MYO5B: variants seen among roughly 807,000 people sequenced by gnomAD.
MYO5B encodes myosin VB, also known as unconventional myosin-Vb.
Under a neutral mutation model 229.3 loss-of-function variants are expected in MYO5B, and 143 were observed. The observed-to-expected ratio is 0.62, with a 90% CI of 0.54 to 0.72. MYO5B has a LOEUF of 0.72. Ranked by LOEUF, MYO5B falls within the 30% of genes least tolerant of loss-of-function variation. The probability of loss-of-function intolerance (pLI) is 0.00; values close to 1 mark genes in which losing one functional copy is unlikely to be tolerated. For synonymous variants in MYO5B, 918 were observed against 885.2 expected (o/e 1.04, Z -0.66); for missense variants, 2,321 against 2,331.0 (o/e 1.00, Z 0.09).
At chr18:50,111,613 A>G (rs1421688459) in intron 1 of MYO5B, among the ~76,000 whole-genome samples, 2 of 152,214 alleles carry the variant, frequency 1.3e-5, no homozygotes, top group African/African-American at 4.8e-5. Context: ...ATGAACTGAG[A>G]TCTATAATGG....
At chr18:49,927,666 T>C (rs1337291597) in intron 17 of MYO5B, among the ~76,000 whole-genome samples, 2 of 152,156 alleles carry the variant, frequency 1.3e-5, no homozygotes, top group Non-Finnish European at 2.9e-5. Context: ...ATTCGATAAA[T>C]GGGGCTGGGA....
chr18:50,174,072 G>C (rs955544861), intron 1 of MYO5B, among the ~76,000 whole-genome samples: 3 of 152,138 alleles, frequency 2.0e-5, no homozygotes, highest in African/African-American at 7.2e-5. Flanking sequence ...AACGACAGAA[G>C]GAGGGCAAAT....
intron 1 of MYO5B, among the ~76,000 whole-genome samples, chr18:50,150,848 AAAG>A (rs890771908): frequency 6.6e-6 from 1 of 152,214 alleles, no homozygotes; most frequent in African/African-American, 2.4e-5. Flanking sequence ...AAAAAAAAGA[AAAG>A]AAAAATAGGG....
intron 1 of MYO5B, among the ~76,000 whole-genome samples, chr18:50,154,986 TAAAA>T (rs1444554030): frequency 6.6e-6 from 1 of 152,216 alleles, no homozygotes; most frequent in Admixed American, 6.5e-5. Context: ...CACCACAGAC[TAAAA>T]AGGCCTGCTT....
At chr18:49,831,715 A>C (rs921924829) in intron 39 of MYO5B, among the ~76,000 whole-genome samples, 1 of 152,172 alleles carries the variant, frequency 6.6e-6, no homozygotes, top group Non-Finnish European at 1.5e-5. Flanking sequence ...CAAAAAGTTA[A>C]ATATAGAGTT....
At chr18:49,932,836 C>T (rs938849482) in intron 16 of MYO5B, among the ~76,000 whole-genome samples, 1 of 152,140 alleles carries the variant, frequency 6.6e-6, no homozygotes, top group African/African-American at 2.4e-5. Context: ...AAAGAAAACC[C>T]ACCGTCAAAT....
intron 9 of MYO5B, among the ~76,000 whole-genome samples, chr18:49,978,032 T>C (rs1382121840): frequency 1.3e-5 from 2 of 152,200 alleles, no homozygotes; most frequent in Non-Finnish European, 2.9e-5. Flanking sequence ...ACAGCTCTGA[T>C]TGCAGAACAA....
At position 50,194,953 on chromosome 18, in the gene MYO5B, G is replaced by A; in HGVS notation, c.-160C>T. 9.3e-7 allele frequency: 1 copy of A among 1,076,538 alleles called. No individual in the cohort carries two copies. The highest frequency in any genetic ancestry group is 3.6e-5 in the East Asian group (1 of 28,132). 66.7% of individuals were successfully genotyped at this position (1,076,538 alleles called of 1,614,324 possible). ...CCGCCGGCTTCCCGCAGGCGCCGCG[G>A]CCGGCTCGCTCCCGGCGGCGCGACC... On this transcript the variant is annotated 5_prime_UTR_variant, in exon 1 of 40. Transcript: ENST00000285039.
chr18:50,186,367 G>A (rs2033149560), intron 1 of MYO5B, among the ~76,000 whole-genome samples: 1 of 152,186 alleles, frequency 6.6e-6, no homozygotes, highest in Non-Finnish European at 1.5e-5. Flanking sequence ...TATTCACAGA[G>A]GGAAAACAGA....
At chr18:49,945,225 C>T (rs961341506) in intron 14 of MYO5B, among the ~76,000 whole-genome samples, 5 of 152,154 alleles carry the variant, frequency 3.3e-5, no homozygotes, top group African/African-American at 9.7e-5. Context: ...TCCAACCATC[C>T]CTCCCAGATC....
intron 3 of MYO5B, among the ~76,000 whole-genome samples, chr18:50,039,819 G>A (rs750450622): frequency 3.3e-5 from 5 of 151,972 alleles, no homozygotes; most frequent in Non-Finnish European, 7.4e-5. Flanking sequence ...ACAAGGGTTC[G>A]GTGCTGAGAG....
At chr18:49,839,793 G>A (rs751179723) in intron 35 of MYO5B, 51 of 204,256 alleles carry the variant, frequency 2.5e-4, no homozygotes, top group Non-Finnish European at 2.9e-4. Context: ...CATAGCTACC[G>A]CACTGTGTCC....
chr18:50,089,766 C>A (rs140534673), intron 1 of MYO5B, among the ~76,000 whole-genome samples: 1 of 152,302 alleles, frequency 6.6e-6, no homozygotes, highest in African/African-American at 2.4e-5. Context: ...AGAGCCAGGT[C>A]GGCAACCTTT....
In MYO5B at chr18:49,992,269, C is replaced by T. The variant is rs757317760; in HGVS notation, c.756+19G>A. On this transcript the variant is annotated intron_variant, in intron 6 of 39. Transcript: ENST00000285039. ...TGTCCATGAGAAATACACAAAAGGG[C>T]GCAAATCCTCCCACTCACCTGGAAG... The T allele has an allele frequency of 1.7e-5, 27 of 1,614,066 alleles. No homozygotes were observed. Among genetic ancestry groups the T allele is most frequent in the East Asian group, 2.2e-5 (1 of 44,884 alleles).
At chr18:49,828,646 A>G (rs2023876983) in intron 39 of MYO5B, among the ~76,000 whole-genome samples, 2 of 152,208 alleles carry the variant, frequency 1.3e-5, no homozygotes, top group Non-Finnish European at 2.9e-5. Flanking sequence ...CATATGGAAC[A>G]GTCTCCAATA....
intron 9 of MYO5B, among the ~76,000 whole-genome samples, chr18:49,978,356 G>A (rs530984293): frequency 3.0e-4 from 45 of 152,218 alleles, no homozygotes; most frequent in African/African-American, 1.1e-3. Context: ...GGGTGTGGAG[G>A]GTCAACTATA....
At chr18:49,995,061 A>G (rs1222245924) in intron 5 of MYO5B, among the ~76,000 whole-genome samples, 1 of 152,176 alleles carries the variant, frequency 6.6e-6, no homozygotes, top group East Asian at 1.9e-4. Flanking sequence ...ACCCCAAGAT[A>G]GAAATTCAGA....
At chr18:50,164,527 T>G (rs1320184162) in intron 1 of MYO5B, among the ~76,000 whole-genome samples, 3 of 152,190 alleles carry the variant, frequency 2.0e-5, no homozygotes, top group Non-Finnish European at 4.4e-5. Context: ...TTATTTGGAA[T>G]CTGTGACTCA....
chr18:50,074,229 C>T (rs937347867), intron 1 of MYO5B, among the ~76,000 whole-genome samples: 1 of 152,160 alleles, frequency 6.6e-6, no homozygotes, highest in African/African-American at 2.4e-5. Flanking sequence ...GACTTATTCG[C>T]TATCATGAGA....
Sources: gnomAD v4.1 joint callset for allele counts (sites outside exome capture counted in the v4.1 genomes callset) on GRCh38, gnomAD v4.1.1 for gene constraint, MANE v1.5 for transcripts, NCBI Gene and HGNC (gene_info 2026-07-23, HGNC 2026-07-21) for gene names.